The following KLHL14 variants were observed in gnomAD, a reference collection of about 807,000 sequenced individuals.
KLHL14 encodes kelch like family member 14, also known as kelch-like protein 14.
KLHL14 carries 22 observed loss-of-function variants against 64.3 expected under a neutral mutation model. That is an observed-to-expected ratio of 0.34 (90% CI 0.24 to 0.49). The LOEUF (loss-of-function observed/expected upper bound fraction) is 0.49, where lower values mean the gene tolerates loss of function less well. Among genes scored for constraint, KLHL14 ranks in the 20% least tolerant of loss-of-function variants. The pLI, the probability that KLHL14 is intolerant of heterozygous loss-of-function variation, is 0.99. For synonymous variants in KLHL14, 322 were observed against 333.4 expected, an observed-to-expected ratio of 0.97 and a Z score of 0.37; for missense variants, 661 against 789.0, an observed-to-expected ratio of 0.84 and a Z score of 1.94.
In KLHL14 at chr18:32,674,102, A is replaced by G; in HGVS notation, c.*555T>C. On this transcript the variant is annotated 3_prime_UTR_variant, in exon 9 of 9. Transcript: ENST00000359358. ...CAGAAGGTGTATGAAATGAAGTTGT[A>G]TAGAAACGAAAATGCCTCTCTTTAA... 1 of 152,450 alleles carries G rather than the reference A, an allele frequency of 6.6e-6. No individual in the cohort carries two copies. Among genetic ancestry groups the G allele is most frequent in the Non-Finnish European group, 1.5e-5 (1 of 68,108 alleles). The allele number at this position is 152,450 out of a possible 1,614,324, so 9.4% of individuals were successfully genotyped here.
chr18:32,770,256 G>A lies in KLHL14; in HGVS notation c.336C>T (p.Asp112=), dbSNP rs762628546. The A allele has an allele frequency of 5.0e-6, 8 of 1,595,448 alleles. No individual in the cohort carries two copies. In the African/African-American group the frequency reaches 8.0e-5, roughly 16 times the overall value. Reference sequence around the variant, plus strand: ...CCCGGGGGCTGGTCAGCAGCTTGTCGTCGGGGGAGGAAGAAGGAGTCCCGG... The same window carrying A: ...CCCGGGGGCTGGTCAGCAGCTTGTCATCGGGGGAGGAAGAAGGAGTCCCGG... ...EEPGTPSSSP[D]DKLLTSPRAI... The change falls in exon 2 of 9, where the codon GAC becomes GAT. Residue 112 remains aspartate, a synonymous_variant. Coordinates refer to ENST00000359358, the MANE Select transcript of KLHL14 (RefSeq NM_020805.3). The surrounding 1 kb of genome is among the most constrained non-coding windows in gnomAD (Gnocchi z 6.7).
chr18:32,739,497 G>A (rs1487546597), intron 3 of KLHL14, among the ~76,000 whole-genome samples: 1 of 151,888 alleles, frequency 6.6e-6, no homozygotes, highest in Non-Finnish European at 1.5e-5. Context: ...AGTCTAGCAG[G>A]TAATAAACTA....
intron 3 of KLHL14, among the ~76,000 whole-genome samples, chr18:32,698,491 G>A (rs770972438): frequency 6.6e-6 from 1 of 152,168 alleles, no homozygotes; most frequent in Non-Finnish European, 1.5e-5. Flanking sequence ...ACAGACAGGT[G>A]GGGCTGTACA....
Position 32,770,014 on chromosome 18 carries a change from G to A in KLHL14, c.578C>T (p.Ala193Val), listed in dbSNP as rs1244578501. Residue 193 changes from alanine to valine, a missense_variant, in exon 2 of 9, where the codon GCC becomes GTC. Ala to Val is a moderately conservative substitution (Grantham distance 64). This residue lies in a region of KLHL14 where 331 missense variants were observed against 339.0 expected (regional missense o/e 0.98). Coordinates refer to ENST00000359358, the MANE Select transcript of KLHL14 (RefSeq NM_020805.3). The surrounding 1 kb of genome is among the most constrained non-coding windows in gnomAD (Gnocchi z 6.7). ...VQNYKQVCKI[A>V]ALHGLEETKK... ...GGTCTCCTCCAGGCCGTGCAGCGCG[G>A]CGATCTTGCACACCTGCTTGTAGTT... The A allele has an allele frequency of 1.2e-6, 2 of 1,613,974 alleles. No individual in the cohort carries two copies. Among genetic ancestry groups the A allele is most frequent in the South Asian group, 1.1e-5 (1 of 91,066 alleles).
At chr18:32,716,316 T>C (rs971429197) in intron 3 of KLHL14, among the ~76,000 whole-genome samples, 1 of 152,094 alleles carries the variant, frequency 6.6e-6, no homozygotes, top group East Asian at 1.9e-4. Flanking sequence ...ATACAAATTA[T>C]CAATCATGTA....
intron 3 of KLHL14, chr18:32,737,269 C>T (rs1055539685): frequency 6.6e-6 from 1 of 152,046 alleles, no homozygotes; most frequent in East Asian, 1.9e-4. Flanking sequence ...ATTTAACTTA[C>T]ATTTTATTTT....
At chr18:32,742,641 C>G (rs899374155) in intron 2 of KLHL14, among the ~76,000 whole-genome samples, 1 of 152,102 alleles carries the variant, frequency 6.6e-6, no homozygotes, top group Non-Finnish European at 1.5e-5. Context: ...CCCCTTCCCC[C>G]ACTCCCAGCT....
At chr18:32,748,769 C>T (rs1211736680) in intron 2 of KLHL14, among the ~76,000 whole-genome samples, 1 of 151,964 alleles carries the variant, frequency 6.6e-6, no homozygotes, top group Admixed American at 6.6e-5. Flanking sequence ...GGATTACAGG[C>T]GTGAGCCACT....
At chr18:32,715,182 A>G (rs1043711462) in intron 3 of KLHL14, among the ~76,000 whole-genome samples, 4 of 152,300 alleles carry the variant, frequency 2.6e-5, no homozygotes, top group East Asian at 1.9e-4. Flanking sequence ...AAATCTGCAG[A>G]TAAGTCCCAT....
At chr18:32,729,407 G>A (rs2050124752) in intron 3 of KLHL14, among the ~76,000 whole-genome samples, 1 of 152,184 alleles carries the variant, frequency 6.6e-6, no homozygotes, top group Admixed American at 6.6e-5. Context: ...ATAGTCACAT[G>A]GGGCTAGTGA....
intron 2 of KLHL14, among the ~76,000 whole-genome samples, chr18:32,762,199 C>A (rs1224840561): frequency 6.6e-6 from 1 of 151,096 alleles, no homozygotes; most frequent in African/African-American, 2.4e-5. Context: ...ACATTTTTTT[C>A]TTGTGAAAAT....
intron 3 of KLHL14, chr18:32,734,332 T>A: frequency 1.5e-6 from 1 of 681,388 alleles, no homozygotes. Context: ...ATGATGGAGA[T>A]GCATGTCAAG....
intron 3 of KLHL14, chr18:32,738,547 C>A (rs1320399233): frequency 6.6e-6 from 1 of 152,108 alleles, no homozygotes; most frequent in Non-Finnish European, 1.5e-5. Flanking sequence ...AAAGACGTTG[C>A]AGTCATTTTT....
chr18:32,747,213 T>C (rs2050227975), intron 2 of KLHL14, among the ~76,000 whole-genome samples: 1 of 152,196 alleles, frequency 6.6e-6, no homozygotes, highest in Non-Finnish European at 1.5e-5. Flanking sequence ...ACCTTTTTGG[T>C]ACCAGGGTCC....
In KLHL14 at chr18:32,770,239, C is replaced by A; in HGVS notation, c.353G>T (p.Ser118Ile). 1.2e-6 allele frequency: 2 copies of A among 1,602,082 alleles called. No individual in the cohort carries two copies. The highest frequency in any genetic ancestry group is 8.5e-7 in the Non-Finnish European group (1 of 1,172,096). ...SSSPDDKLLT[S>I]PRAINNLVLQ... ...CACCAGGTTGTTGATGGCCCGGGGG[C>A]TGGTCAGCAGCTTGTCGTCGGGGGA... Residue 118 changes from serine to isoleucine, a missense_variant, in exon 2 of 9, where the codon AGC (serine) becomes ATC (isoleucine). Physicochemically the swap from Ser to Ile is moderately radical, Grantham distance 142. Coordinates refer to ENST00000359358, the MANE Select transcript of KLHL14 (RefSeq NM_020805.3). This position sits in a 1 kb window ranked among gnomAD's most constrained non-coding sequence, Gnocchi z 6.7.
intron 8 of KLHL14, among the ~76,000 whole-genome samples, chr18:32,676,438 A>C (rs1412870196): frequency 6.6e-6 from 1 of 152,212 alleles, no homozygotes; most frequent in Non-Finnish European, 1.5e-5. Flanking sequence ...AATTTGAAAA[A>C]TACATCTTTT....
intron 5 of KLHL14, among the ~76,000 whole-genome samples, chr18:32,686,340 G>A (rs970882119): frequency 6.6e-6 from 1 of 152,024 alleles, no homozygotes; most frequent in African/African-American, 2.4e-5. Context: ...TATCACACTG[G>A]AGAATTTGCT....
Position 32,672,859 on chromosome 18 carries a change from A to C in KLHL14, c.*1798T>G, listed in dbSNP as rs967117113. The C allele has an allele frequency of 2.0e-5, 3 of 152,608 alleles. No individual in the cohort carries two copies. Among genetic ancestry groups the C allele is most frequent in the African/African-American group, 4.8e-5 (2 of 41,446 alleles). The allele number at this position is 152,608 out of a possible 1,614,324, so 9.5% of individuals were successfully genotyped here. A position where few individuals can be genotyped will look rare whatever the true frequency, so the allele number is the denominator to read the frequency against. On this transcript the variant is annotated 3_prime_UTR_variant, in exon 9 of 9. Coordinates refer to ENST00000359358, the MANE Select transcript of KLHL14 (RefSeq NM_020805.3). ...TCTCATAAATGCTTTTATTTTGGTGAGAAATAAAAAATAAAATGCAGAACA... is the reference window on the plus strand; with the variant it reads ...TCTCATAAATGCTTTTATTTTGGTGCGAAATAAAAAATAAAATGCAGAACA...
chr18:32,702,334 G>GT (rs370056549), intron 3 of KLHL14, among the ~76,000 whole-genome samples: 99 of 141,384 alleles, frequency 7.0e-4, no homozygotes, highest in African/African-American at 2.3e-3. Flanking sequence ...GCTCTTAGAG[G>GT]TTTTTTGTTT....
Sources: gnomAD v4.1 joint callset for allele counts (sites outside exome capture counted in the v4.1 genomes callset) on GRCh38, gnomAD v4.1.1 for gene constraint, gnomAD v4.1.1 regional missense constraint, Gnocchi (gnomAD v3.1) non-coding constraint, MANE v1.5 for transcripts, NCBI Gene and HGNC (gene_info 2026-07-23, HGNC 2026-07-21) for gene names.